The following RSRC1 variants were observed in gnomAD, a reference collection of about 807,000 sequenced individuals.
RSRC1 encodes arginine and serine rich coiled-coil 1.
A neutral mutation model predicts 49.1 loss-of-function variants in RSRC1; 39 were observed. The ratio of observed to expected loss-of-function variants is 0.79; its 90% CI spans 0.61 to 1.04. RSRC1 has a LOEUF of 1.04. RSRC1 is among the 50% of genes least tolerant of loss of function. RSRC1 has a pLI of 0.00. For synonymous variants in RSRC1, 143 were observed against 130.8 expected, an observed-to-expected ratio of 1.09 and a Z score of -0.63; for missense variants, 388 against 402.4, an observed-to-expected ratio of 0.96 and a Z score of 0.31.
At chr3:158,341,736 G>C (rs1215270004) in intron 5 of RSRC1, among the ~76,000 whole-genome samples, 3 of 152,116 alleles carry the variant, frequency 2.0e-5, no homozygotes, top group Non-Finnish European at 4.4e-5. Context: ...TCAGGCCCCA[G>C]AATCACAGAT....
At chr3:158,251,417 AT>A (rs1295538296) in intron 4 of RSRC1, among the ~76,000 whole-genome samples, 2 of 152,118 alleles carry the variant, frequency 1.3e-5, no homozygotes, top group Non-Finnish European at 2.9e-5. Context: ...TAGTATGGAC[AT>A]TTTAACAATA....
chr3:158,316,756 T>G (rs1281461725), intron 5 of RSRC1, among the ~76,000 whole-genome samples: 1 of 152,166 alleles, frequency 6.6e-6, no homozygotes, highest in African/African-American at 2.4e-5. Flanking sequence ...ATCTCTCATT[T>G]TTGTACAAAT....
rs1729963453 is a variant in RSRC1, at chr3:158,337,269, T to C, written c.532-17588T>C. The stretch of plus-strand genomic sequence containing the variant: ...GGGGCTGCAGAAGTCCTTGCTATCA[T>C]GAAGACATTCATCATCTGCACTTCC... On this transcript the variant is annotated intron_variant, in intron 5 of 9. Transcript: ENST00000611884. 2.6e-5 allele frequency among the ~76,000 whole-genome samples: 4 copies of C among 152,356 alleles called. 1 individual carries two copies. In the South Asian group the frequency reaches 8.3e-4, roughly 32 times the overall value.
At chr3:158,160,905 A>G (rs1215707315) in intron 3 of RSRC1, among the ~76,000 whole-genome samples, 1 of 143,376 alleles carries the variant, frequency 7.0e-6, no homozygotes, top group African/African-American at 2.6e-5. Flanking sequence ...TAACAGATGA[A>G]GAAACAGACT....
At chr3:158,525,520 T>C (rs1016559299) in intron 7 of RSRC1, among the ~76,000 whole-genome samples, 2 of 151,978 alleles carry the variant, frequency 1.3e-5, no homozygotes, top group Non-Finnish European at 2.9e-5. Flanking sequence ...AACATATGTC[T>C]ACCATACAAC....
intron 6 of RSRC1, among the ~76,000 whole-genome samples, chr3:158,443,913 G>A (rs1447979762): frequency 6.6e-6 from 1 of 152,110 alleles, no homozygotes; most frequent in East Asian, 1.9e-4. Flanking sequence ...GAACAGAGAG[G>A]TACAGGGAGA....
intron 4 of RSRC1, among the ~76,000 whole-genome samples, chr3:158,263,890 G>A (rs1448478900): frequency 1.3e-5 from 2 of 151,962 alleles, no homozygotes; most frequent in South Asian, 2.1e-4. Flanking sequence ...ATGTCACTTC[G>A]TTTATTTCTT....
At chr3:158,238,057 T>G (rs1429384389) in intron 4 of RSRC1, among the ~76,000 whole-genome samples, 2 of 152,174 alleles carry the variant, frequency 1.3e-5, no homozygotes, top group African/African-American at 4.8e-5. Flanking sequence ...ATCACAAGCA[T>G]TCCTATACAC....
chr3:158,161,628 G>A (rs1245256968), intron 3 of RSRC1, among the ~76,000 whole-genome samples: 6 of 152,102 alleles, frequency 3.9e-5, no homozygotes, highest in South Asian at 2.1e-4. Flanking sequence ...TGGCAGTAAC[G>A]GCACAAGCCT....
intron 6 of RSRC1, among the ~76,000 whole-genome samples, chr3:158,411,798 GTGTT>G (rs1270560960): frequency 1.1e-4 from 16 of 152,022 alleles, no homozygotes; most frequent in Non-Finnish European, 2.2e-4. Flanking sequence ...GGCCATTTTA[GTGTT>G]TGTTTGTTTC....
At chr3:158,248,141 C>T (rs1724006366) in intron 4 of RSRC1, among the ~76,000 whole-genome samples, 1 of 152,168 alleles carries the variant, frequency 6.6e-6, no homozygotes, top group Non-Finnish European at 1.5e-5. Flanking sequence ...CTCTTGCTCC[C>T]TCTGTAGTCC....
intron 6 of RSRC1, among the ~76,000 whole-genome samples, chr3:158,424,570 G>T (rs1336365982): frequency 1.3e-5 from 2 of 150,676 alleles, no homozygotes; most frequent in South Asian, 2.1e-4. Flanking sequence ...CCCGGCTTTG[G>T]TATCAGGATG....
chr3:158,523,009 T>A (rs1711788042), intron 7 of RSRC1, among the ~76,000 whole-genome samples: 2 of 152,112 alleles, frequency 1.3e-5, no homozygotes, highest in East Asian at 3.9e-4. Flanking sequence ...AACATGAACA[T>A]GACTCAACTT....
chr3:158,118,462 T>TGTGTTTGTGTGC, intron 1 of RSRC1, among the ~76,000 whole-genome samples: 1 of 124,682 alleles, frequency 8.0e-6, no homozygotes, highest in Non-Finnish European at 1.6e-5. Flanking sequence ...TGTGTGTGTG[T>TGTGTTTGTGTGC]GCGCGTGCGC....
chr3:158,480,394 A>G (rs1738559822), intron 7 of RSRC1, among the ~76,000 whole-genome samples: 1 of 151,986 alleles, frequency 6.6e-6, no homozygotes, highest in African/African-American at 2.4e-5. Context: ...TAATTAATCT[A>G]TAATTTATTT....
chr3:158,120,449 A>G (rs1196635452), intron 1 of RSRC1, among the ~76,000 whole-genome samples: 2 of 151,412 alleles, frequency 1.3e-5, no homozygotes, highest in Non-Finnish European at 2.9e-5. Context: ...AAAGCAAAGC[A>G]GTAATTTAAC....
At chr3:158,203,567 CTG>C (rs1430821693) in intron 4 of RSRC1, among the ~76,000 whole-genome samples, 4 of 152,106 alleles carry the variant, frequency 2.6e-5, no homozygotes, top group African/African-American at 9.7e-5. Context: ...GTTTCATACT[CTG>C]TTTCCTTTGT....
chr3:158,177,193 G>T (rs577627126), intron 3 of RSRC1, among the ~76,000 whole-genome samples: 27 of 152,308 alleles, frequency 1.8e-4, no homozygotes, highest in African/African-American at 4.8e-4. Context: ...CATTGTTGGT[G>T]GGAGTGCAAA....
At chr3:158,427,320 T>G (rs555999802) in intron 6 of RSRC1, among the ~76,000 whole-genome samples, 1 of 151,978 alleles carries the variant, frequency 6.6e-6, no homozygotes, top group African/African-American at 2.4e-5. Flanking sequence ...ATGGGAAGAT[T>G]CAATATTGTG....
Sources: gnomAD v4.1 joint callset for allele counts (sites outside exome capture counted in the v4.1 genomes callset) on GRCh38, gnomAD v4.1.1 for gene constraint, MANE v1.5 for transcripts, NCBI Gene and HGNC (gene_info 2026-07-23, HGNC 2026-07-21) for gene names.